Variants in C9 observed in about 807,000 individuals in gnomAD.
The protein encoded by C9 is complement component C9.
C9 carries 63 observed loss-of-function variants against 65.4 expected under a neutral mutation model. That is an observed-to-expected ratio of 0.96 (90% CI 0.79 to 1.19). C9 has a LOEUF of 1.19. Among genes scored for constraint, C9 ranks in the 50% most tolerant of loss-of-function variants. C9 has a pLI of 0.00. For synonymous variants in C9, 229 were observed against 227.9 expected (o/e 1.00, Z -0.04); for missense variants, 744 against 670.1 (o/e 1.11, Z -1.22).
chr5:39,354,718 AGTTT>A (rs1490050717), intron 1 of C9, among the ~76,000 whole-genome samples: 1 of 152,248 alleles, frequency 6.6e-6, no homozygotes, highest in Non-Finnish European at 1.5e-5. Context: ...CTAGCTAGTT[AGTTT>A]GAGGATCATG....
At chr5:39,294,682 T>C (rs1254521293) in intron 9 of C9, among the ~76,000 whole-genome samples, 2 of 151,684 alleles carry the variant, frequency 1.3e-5, no homozygotes, top group African/African-American at 4.8e-5. Flanking sequence ...TTTTAAAGAC[T>C]GAAATGAAGG....
rs375656146 is a variant in C9 at position 39,355,409 on chromosome 5, T to C, written c.77+8979A>G. Among the ~76,000 whole-genome samples, 209 of 152,350 alleles carry C rather than the reference T, an allele frequency of 1.4e-3. 10 individuals carry two copies. The South Asian group carries it at 0.04, about 29-fold the overall frequency. On this transcript the variant is annotated intron_variant, in intron 1 of 10. Coordinates refer to ENST00000263408, the MANE Select transcript of C9 (RefSeq NM_001737.5). Reference sequence around the variant, plus strand: ...AATAATAATAGGACCTCGTTGACTATGTGTACACTTATTTACTTCCTTCTT... The same window carrying C: ...AATAATAATAGGACCTCGTTGACTACGTGTACACTTATTTACTTCCTTCTT...
rs1561336736 is a variant in C9 at position 39,306,738 on chromosome 5, C to T, written c.1295G>A (p.Gly432Glu). 3 of 1,612,048 alleles carry T rather than the reference C, an allele frequency of 1.9e-6. No homozygotes were observed. Among genetic ancestry groups the T allele is most frequent in the Non-Finnish European group, 2.5e-6 (3 of 1,178,370 alleles). ...CAGTTCAAATGCATATTTTCTGGTT[C>T]CACCTCTTATGAGTGAAACAACATC... ...IDDVVSLIRG[G>E]TRKYAFELKE... Residue 432 changes from glycine to glutamate, a missense_variant, in exon 9 of 11, where the codon GGA (glycine) becomes GAA (glutamate). Gly to Glu is a moderately conservative substitution (Grantham distance 98). Transcript: ENST00000263408.
At chr5:39,303,739 T>C (rs1271849955) in intron 9 of C9, among the ~76,000 whole-genome samples, 3 of 152,040 alleles carry the variant, frequency 2.0e-5, no homozygotes, top group Non-Finnish European at 4.4e-5. Flanking sequence ...CATAGGGATT[T>C]TGACATTCTC....
intron 2 of C9, 123 bp downstream of exon 2, chr5:39,341,968 A>G: frequency 1.3e-6 from 1 of 741,210 alleles, no homozygotes; most frequent in Non-Finnish European, 2.5e-6. Flanking sequence ...TTAAATGTTT[A>G]TCTCTCTTTC....
At position 39,291,046 on chromosome 5, in the gene C9, C is replaced by T. The variant is rs1248139348; in HGVS notation, c.1417-2095G>A. On this transcript the variant is annotated intron_variant, in intron 9 of 10. Coordinates refer to ENST00000263408, the MANE Select transcript of C9 (RefSeq NM_001737.5). ...AATTTTACGTACAGTATTTAGCCCA[C>T]AGTAAAAATAACTAGGCACACAAGG... Among the ~76,000 whole-genome samples, 5 of 151,882 alleles carry T rather than the reference C, an allele frequency of 3.3e-5. No homozygotes were observed. In the East Asian group the frequency reaches 9.7e-4, roughly 29 times the overall value.
At chr5:39,362,625 C>T (rs1045677770) in intron 1 of C9, among the ~76,000 whole-genome samples, 5 of 152,138 alleles carry the variant, frequency 3.3e-5, no homozygotes, top group African/African-American at 9.7e-5. Flanking sequence ...ACGAGGGAAG[C>T]GAGGTACAGA....
At chr5:39,310,081 C>A (rs3776534) in intron 7 of C9, among the ~76,000 whole-genome samples, 4 of 152,126 alleles carry the variant, frequency 2.6e-5, no homozygotes, top group African/African-American at 9.7e-5. Flanking sequence ...TCCACTCCCC[C>A]CCGGGAAAGC....
chr5:39,358,646 G>A (rs933606057), intron 1 of C9, among the ~76,000 whole-genome samples: 5 of 152,100 alleles, frequency 3.3e-5, no homozygotes, highest in Non-Finnish European at 4.4e-5. Context: ...GGAGTGAGTC[G>A]TGCCCATGGA....
chr5:39,288,941 A>G lies in C9; in HGVS notation c.1427T>C (p.Ile476Thr), dbSNP rs141645272. 2.1e-3 allele frequency: 3,353 copies of G among 1,588,178 alleles called. 6 individuals carry two copies. Among genetic ancestry groups the G allele is most frequent in the Non-Finnish European group, 2.6e-3 (3,054 of 1,156,990 alleles). Residue 476 changes from isoleucine to threonine, a missense_variant, in exon 10 of 11, where the codon ATA (isoleucine) becomes ACA (threonine). Transcript: ENST00000263408. ...PVLISQKLSP[I>T]YNLVPVKMKN... The stretch of plus-strand genomic sequence containing the variant: ...CATTTTCACTGGAACCAGATTATAT[A>G]TAGGAGACAGCTGAAAGGAAGCAAA...
intron 1 of C9, among the ~76,000 whole-genome samples, chr5:39,342,834 G>A (rs577999066): frequency 2.0e-5 from 3 of 152,008 alleles, no homozygotes; most frequent in Non-Finnish European, 4.4e-5. Flanking sequence ...TCCACCCCTA[G>A]GCCCACTGCT....
chr5:39,329,888 C>T (rs1033178566), intron 5 of C9, among the ~76,000 whole-genome samples: 2 of 152,154 alleles, frequency 1.3e-5, no homozygotes, highest in African/African-American at 4.8e-5. Context: ...TATTTCCCCT[C>T]ATGTAAGTTT....
intron 4 of C9, among the ~76,000 whole-genome samples, chr5:39,339,047 C>T (rs1754019417): frequency 6.6e-6 from 1 of 152,088 alleles, no homozygotes; most frequent in African/African-American, 2.4e-5. Flanking sequence ...CCAATTAAAG[C>T]AAAATAAAGT....
chr5:39,334,240 T>C (rs1228675124), intron 4 of C9, among the ~76,000 whole-genome samples: 2 of 146,560 alleles, frequency 1.4e-5, no homozygotes, highest in African/African-American at 5.2e-5. Flanking sequence ...TCATCTGAGA[T>C]GTGGGGAGCG....
At chr5:39,296,938 G>A (rs1753195053) in intron 9 of C9, among the ~76,000 whole-genome samples, 2 of 151,260 alleles carry the variant, frequency 1.3e-5, no homozygotes, top group African/African-American at 2.4e-5. Context: ...GTTGGGAAGG[G>A]TAGGGGAAAG....
In C9 at chr5:39,322,552, T is replaced by C. The variant is rs1275868082; in HGVS notation, c.616-6523A>G. Among the ~76,000 whole-genome samples, 4 of 150,190 alleles carry C rather than the reference T, an allele frequency of 2.7e-5. No homozygotes were observed. The East Asian group carries it at 7.9e-4, about 30-fold the overall frequency. On this transcript the variant is annotated intron_variant, in intron 5 of 10. Transcript: ENST00000263408. ...CAGAAAAGGCCAACAAAACCAAGAG[T>C]TTGTTTTTTAAAAAAGAAACAAAAT... is the stretch of plus-strand genomic sequence containing the variant.
chr5:39,285,070 C>T lies in C9; in HGVS notation c.*129G>A, dbSNP rs188530334. On this transcript the variant is annotated 3_prime_UTR_variant, in exon 11 of 11. Transcript: ENST00000263408. ...AATTATAGACCTAAGAGAGAAGAGACTTCAGAGGTTGGTAGGATTTTCATG... is the reference window on the plus strand; with the variant it reads ...AATTATAGACCTAAGAGAGAAGAGATTTCAGAGGTTGGTAGGATTTTCATG... 1.0e-3 allele frequency: 796 copies of T among 796,768 alleles called. No individual in the cohort carries two copies. Among genetic ancestry groups the T allele is most frequent in the Non-Finnish European group, 1.6e-3 (702 of 449,652 alleles). The allele number at this position is 796,768 out of a possible 1,614,324, so 49.4% of individuals were successfully genotyped here.
chr5:39,303,522 A>C (rs982429738), intron 9 of C9, among the ~76,000 whole-genome samples: 3 of 148,576 alleles, frequency 2.0e-5, no homozygotes, highest in African/African-American at 7.3e-5. Flanking sequence ...ATTTTATAGT[A>C]TTTTATAAAT....
At chr5:39,354,431 A>C (rs1345499930) in intron 1 of C9, among the ~76,000 whole-genome samples, 1 of 152,236 alleles carries the variant, frequency 6.6e-6, no homozygotes, top group African/African-American at 2.4e-5. Context: ...CAATGTTTTT[A>C]AAAAGTTACC....
Sources: gnomAD v4.1 joint callset for allele counts (sites outside exome capture counted in the v4.1 genomes callset) on GRCh38, gnomAD v4.1.1 for gene constraint, MANE v1.5 for transcripts, NCBI Gene and HGNC (gene_info 2026-07-23, HGNC 2026-07-21) for gene names.